The following PEX7 variants were observed in gnomAD, a reference collection of about 807,000 sequenced individuals.
PEX7 encodes the protein peroxisomal biogenesis factor 7.
In PEX7, 34 loss-of-function variants were observed where a neutral mutation model predicts 47.5. The observed-to-expected ratio is 0.72, with a 90% CI of 0.54 to 0.95. The LOEUF (loss-of-function observed/expected upper bound fraction) is 0.95, where lower values mean the gene tolerates loss of function less well. Ranked by LOEUF, PEX7 falls within the 40% of genes least tolerant of loss-of-function variation. The pLI is 0.00. For missense variants in PEX7, 394 were observed against 400.3 expected (o/e 0.98, Z 0.13); for synonymous variants, 141 against 148.8 (o/e 0.95, Z 0.38).
chr6:136,893,044 G>A (rs1311170835), intron 8 of PEX7, among the ~76,000 whole-genome samples: 2 of 152,280 alleles, frequency 1.3e-5, no homozygotes, highest in East Asian at 3.9e-4. Flanking sequence ...GAACCTGGCT[G>A]TTGAGGTGTA....
At chr6:136,847,478 G>A (rs992374369) in intron 5 of PEX7, among the ~76,000 whole-genome samples, 2 of 151,826 alleles carry the variant, frequency 1.3e-5, no homozygotes, top group Non-Finnish European at 2.9e-5. Context: ...ATGGTTTTAG[G>A]TCTAACATGT....
intron 5 of PEX7, among the ~76,000 whole-genome samples, chr6:136,862,482 T>G (rs1208704095): frequency 6.6e-6 from 1 of 151,564 alleles, no homozygotes; most frequent in Non-Finnish European, 1.5e-5. Context: ...CTCAAGCAGT[T>G]CTCCTACCTC....
At chr6:136,825,037 T>G (rs1582731884) in intron 1 of PEX7, among the ~76,000 whole-genome samples, 177 bp from the exon 2 acceptor site, 1 of 152,230 alleles carries the variant, frequency 6.6e-6, no homozygotes, top group Non-Finnish European at 1.5e-5. Context: ...TTGGTATTCA[T>G]GTCCCAAAAA....
chr6:136,866,334 C>T (rs1775071403), intron 5 of PEX7, among the ~76,000 whole-genome samples: 1 of 152,056 alleles, frequency 6.6e-6, no homozygotes, highest in Admixed American at 6.6e-5. Context: ...ATTTTCAGGG[C>T]CTTTCCTGCC....
At chr6:136,882,045 A>G (rs375655513) in intron 8 of PEX7, among the ~76,000 whole-genome samples, 2 of 152,180 alleles carry the variant, frequency 1.3e-5, no homozygotes, top group East Asian at 3.8e-4. Flanking sequence ...GGTTTCTTTT[A>G]TTAATGTGTA....
intron 3 of PEX7, among the ~76,000 whole-genome samples, chr6:136,830,644 C>A (rs567732364): frequency 3.9e-5 from 6 of 152,116 alleles, no homozygotes; most frequent in Admixed American, 2.0e-4. Flanking sequence ...TTTAAAAGTT[C>A]AGTGAGAATA....
intron 3 of PEX7, among the ~76,000 whole-genome samples, chr6:136,827,678 G>A (rs1242917526): frequency 1.3e-5 from 2 of 151,964 alleles, no homozygotes; most frequent in African/African-American, 4.8e-5. Flanking sequence ...GATTACAGAC[G>A]TGCGCCACCG....
At chr6:136,846,231 C>G in intron 5 of PEX7, 50 bp downstream of exon 5, 1 of 1,127,194 alleles carries the variant, frequency 8.9e-7, no homozygotes, top group Admixed American at 1.8e-5. Flanking sequence ...GAATGGTGGC[C>G]TTGTTTTTAC....
intron 9 of PEX7, among the ~76,000 whole-genome samples, chr6:136,899,247 A>AT (rs112875737): frequency 0.089 from 10,423 of 117,764 alleles, 544 homozygotes; most frequent in African/African-American, 0.18. Context: ...CACCCAATTA[A>AT]TTTTTTTTTT....
intron 8 of PEX7, among the ~76,000 whole-genome samples, chr6:136,878,204 G>A (rs1251409523): frequency 1.3e-5 from 2 of 152,176 alleles, no homozygotes; most frequent in African/African-American, 2.4e-5. Flanking sequence ...GAGATTCTGG[G>A]CTGAGACGAT....
chr6:136,908,679 G>C (rs915339743), intron 9 of PEX7, among the ~76,000 whole-genome samples: 3 of 147,488 alleles, frequency 2.0e-5, no homozygotes, highest in African/African-American at 8.1e-5. Context: ...AGTCAAACAA[G>C]AGATACCCCA....
chr6:136,909,677 C>T (rs1042587919), intron 9 of PEX7, among the ~76,000 whole-genome samples: 15 of 152,148 alleles, frequency 9.9e-5, no homozygotes, highest in African/African-American at 3.6e-4. Context: ...TAGAGGAATA[C>T]TATTTTCATC....
At chr6:136,859,101 G>C (rs1774913862) in intron 5 of PEX7, among the ~76,000 whole-genome samples, 1 of 152,204 alleles carries the variant, frequency 6.6e-6, no homozygotes. Context: ...GATAATATAT[G>C]AGAACGTAGC....
chr6:136,873,758 A>G (rs1775220337), intron 8 of PEX7, among the ~76,000 whole-genome samples: 1 of 152,140 alleles, frequency 6.6e-6, no homozygotes, highest in Non-Finnish European at 1.5e-5. Context: ...TTTAATGCAA[A>G]TTATATATGT....
chr6:136,848,160 G>A (rs1774663808), intron 5 of PEX7, among the ~76,000 whole-genome samples: 1 of 152,128 alleles, frequency 6.6e-6, no homozygotes, highest in Non-Finnish European at 1.5e-5. Context: ...TGTTATTGGT[G>A]TATAGGAATG....
intron 3 of PEX7, among the ~76,000 whole-genome samples, chr6:136,844,282 A>G (rs1018433545): frequency 6.6e-6 from 1 of 151,980 alleles, no homozygotes; most frequent in Non-Finnish European, 1.5e-5. Flanking sequence ...GTGTGGGAGG[A>G]CCGCTTGAGC....
At chr6:136,834,689 C>T (rs1774354990) in intron 3 of PEX7, among the ~76,000 whole-genome samples, 1 of 152,106 alleles carries the variant, frequency 6.6e-6, no homozygotes, top group South Asian at 2.1e-4. Context: ...GCCTTGAATA[C>T]CTGGATGGTG....
intron 3 of PEX7, among the ~76,000 whole-genome samples, chr6:136,844,181 A>G (rs1444575299): frequency 1.3e-5 from 2 of 152,082 alleles, no homozygotes; most frequent in East Asian, 1.9e-4. Flanking sequence ...CCTGGGGAAC[A>G]TGGTGAGACA....
chr6:136,848,433 G>A (rs1774671095), intron 5 of PEX7, among the ~76,000 whole-genome samples: 1 of 152,172 alleles, frequency 6.6e-6, no homozygotes, highest in South Asian at 2.1e-4. Context: ...TTTTCAAAGG[G>A]AATGCTTCCA....
Sources: allele counts gnomAD v4.1 joint callset (sites outside exome capture counted in the v4.1 genomes callset), GRCh38; gene constraint gnomAD v4.1.1; transcripts MANE v1.5; gene names NCBI Gene and HGNC (gene_info 2026-07-23, HGNC 2026-07-21).